Variants in USP49 observed in about 807,000 individuals in gnomAD.
USP49 encodes the protein ubiquitin carboxyl-terminal hydrolase 49.
USP49 carries 24 observed loss-of-function variants against 58.6 expected under a neutral mutation model. The observed-to-expected ratio is 0.41, with a 90% CI of 0.30 to 0.58. USP49 has a LOEUF of 0.58. USP49 is among the 20% of genes least tolerant of loss of function. The pLI, the probability that USP49 is intolerant of heterozygous loss-of-function variation, is 0.30. For synonymous variants in USP49, 408 were observed against 365.1 expected, an observed-to-expected ratio of 1.12 and a Z score of -1.34; for missense variants, 703 against 866.1, an observed-to-expected ratio of 0.81 and a Z score of 2.36.
chr6:41,880,925 T>G (rs1189262496), intron 2 of USP49, among the ~76,000 whole-genome samples: 2 of 151,976 alleles, frequency 1.3e-5, no homozygotes, highest in Non-Finnish European at 2.9e-5. Flanking sequence ...TTTATTTATT[T>G]TATTTATTTT....
At chr6:41,877,207 G>A (rs1774517807) in intron 2 of USP49, among the ~76,000 whole-genome samples, 2 of 152,308 alleles carry the variant, frequency 1.3e-5, no homozygotes, top group South Asian at 4.1e-4. Flanking sequence ...CCTCTGCACA[G>A]AAAACTGCAA....
intron 3 of USP49, among the ~76,000 whole-genome samples, chr6:41,861,248 C>T (rs541807631): frequency 6.6e-6 from 1 of 152,054 alleles, no homozygotes; most frequent in East Asian, 1.9e-4. Flanking sequence ...TCAAGACCAT[C>T]CTGGTTAACA....
At chr6:41,829,939 C>T (rs1301531279) in intron 3 of USP49, among the ~76,000 whole-genome samples, 2 of 152,124 alleles carry the variant, frequency 1.3e-5, no homozygotes, top group African/African-American at 4.8e-5. Context: ...ATAAGAAGAA[C>T]TTCCCCTTTT....
chr6:41,799,303 A>T (rs1772952121), intron 6 of USP49, among the ~76,000 whole-genome samples: 1 of 151,942 alleles, frequency 6.6e-6, no homozygotes, highest in South Asian at 2.1e-4. Context: ...ACAGGGTTTT[A>T]ACCATGTTGC....
chr6:41,805,443 G>C (rs1243958568), intron 4 of USP49, among the ~76,000 whole-genome samples, 185 bp downstream of exon 4: 1 of 152,166 alleles, frequency 6.6e-6, no homozygotes, highest in Non-Finnish European at 1.5e-5. Flanking sequence ...AAAGACACTA[G>C]GCAAGTTTCC....
Position 41,806,896 on chromosome 6 carries a change from C to G in USP49, c.88G>C (p.Ala30Pro). Residue 30 changes from alanine (A) to proline (P), a missense_variant, in exon 4 of 8, where the codon GCC (alanine) becomes CCC (proline). By Grantham distance (27) the Ala-to-Pro change is conservative (BLOSUM62 -1). This residue lies in a region of USP49 where 376 missense variants were observed against 373.5 expected (regional missense o/e 1.01). Coordinates refer to ENST00000682992, the MANE Select transcript of USP49 (RefSeq NM_001286554.2). The surrounding 1 kb of genome is among the most constrained non-coding windows in gnomAD (Gnocchi z 5.9). The part of the protein sequence containing the change: ...NPQKWCCLEC[A>P]TTESVWACLK... Reference sequence around the variant, plus strand: ...CAGGCCCACACGGACTCGGTGGTGGCACACTCTAAGCAGCACCACTTCTGA... The same window carrying G: ...CAGGCCCACACGGACTCGGTGGTGGGACACTCTAAGCAGCACCACTTCTGA... 1 of 1,614,028 alleles carries G rather than the reference C, an allele frequency of 6.2e-7. No homozygotes were observed. The highest frequency in any genetic ancestry group is 8.5e-7 in the Non-Finnish European group (1 of 1,180,004).
intron 3 of USP49, among the ~76,000 whole-genome samples, chr6:41,819,202 T>G (rs933097434): frequency 1.3e-5 from 2 of 151,988 alleles, no homozygotes; most frequent in African/African-American, 4.8e-5. Context: ...ATAAAACCTG[T>G]AAGGGGAAAC....
intron 3 of USP49, among the ~76,000 whole-genome samples, chr6:41,840,835 C>A (rs986672934): frequency 1.3e-5 from 2 of 151,778 alleles, no homozygotes; most frequent in African/African-American, 2.4e-5. Flanking sequence ...AAATAAAATT[C>A]TGCTACTATG....
At chr6:41,836,366 G>A (rs944903194) in intron 3 of USP49, among the ~76,000 whole-genome samples, 1 of 152,060 alleles carries the variant, frequency 6.6e-6, no homozygotes, top group Non-Finnish European at 1.5e-5. Context: ...CTGAAAGAAC[G>A]TATCTCAAAA....
intron 2 of USP49, among the ~76,000 whole-genome samples, chr6:41,887,926 T>C (rs142248849): frequency 1.3e-5 from 2 of 152,158 alleles, no homozygotes; most frequent in Non-Finnish European, 2.9e-5. Context: ...GACAGTATTA[T>C]AGTCTTTAAA....
At chr6:41,890,995 G>A (rs1238532443) in intron 2 of USP49, among the ~76,000 whole-genome samples, 1 of 152,182 alleles carries the variant, frequency 6.6e-6, no homozygotes, top group African/African-American at 2.4e-5. Flanking sequence ...AAAAATAGAA[G>A]CATGCAACAA....
intron 3 of USP49, among the ~76,000 whole-genome samples, chr6:41,842,637 T>C (rs1773847279): frequency 6.6e-6 from 1 of 152,124 alleles, no homozygotes; most frequent in South Asian, 2.1e-4. Flanking sequence ...CTATTTTTCA[T>C]TTTAATCACA....
intron 3 of USP49, among the ~76,000 whole-genome samples, chr6:41,830,782 C>A (rs2127341404): frequency 6.6e-6 from 1 of 151,900 alleles, no homozygotes; most frequent in Admixed American, 6.6e-5. Context: ...AAGATCGCAC[C>A]ACTGCACTCC....
chr6:41,843,229 T>C (rs1476941579), intron 3 of USP49, among the ~76,000 whole-genome samples: 1 of 152,262 alleles, frequency 6.6e-6, no homozygotes, highest in Non-Finnish European at 1.5e-5. Flanking sequence ...AACCAGTCAG[T>C]AACTTTGCTA....
chr6:41,816,695 C>T (rs1392562629), intron 3 of USP49, among the ~76,000 whole-genome samples: 2 of 130,120 alleles, frequency 1.5e-5, no homozygotes, highest in African/African-American at 6.1e-5. Context: ...ACACAGAGTT[C>T]CACACTCTAT....
intron 3 of USP49, among the ~76,000 whole-genome samples, chr6:41,867,472 G>A (rs1231546957): frequency 1.3e-5 from 2 of 151,840 alleles, no homozygotes; most frequent in Non-Finnish European, 2.9e-5. Flanking sequence ...GGCCGGGCGC[G>A]GTGGCTCAAG....
At chr6:41,880,988 AG>A in intron 2 of USP49, among the ~76,000 whole-genome samples, 1 of 152,052 alleles carries the variant, frequency 6.6e-6, no homozygotes, top group South Asian at 2.1e-4. Flanking sequence ...GCTGGAGTGC[AG>A]TGGTATGGTC....
At chr6:41,849,768 C>A (rs1305620771) in intron 3 of USP49, among the ~76,000 whole-genome samples, 1 of 151,992 alleles carries the variant, frequency 6.6e-6, no homozygotes, top group Non-Finnish European at 1.5e-5. Flanking sequence ...CCGCCACGCC[C>A]AGCTAATTTT....
chr6:41,845,675 G>A (rs1437397856), intron 3 of USP49, among the ~76,000 whole-genome samples: 1 of 152,076 alleles, frequency 6.6e-6, no homozygotes, highest in Non-Finnish European at 1.5e-5. Flanking sequence ...TCCAGCCTGG[G>A]CAACACAGTG....
Sources: gnomAD v4.1 joint callset for allele counts (sites outside exome capture counted in the v4.1 genomes callset) on GRCh38, gnomAD v4.1.1 for gene constraint, gnomAD v4.1.1 regional missense constraint, Gnocchi (gnomAD v3.1) non-coding constraint, MANE v1.5 for transcripts, NCBI Gene and HGNC (gene_info 2026-07-23, HGNC 2026-07-21) for gene names.